SYNE2: variants seen among roughly 807,000 people sequenced by gnomAD.
SYNE2 encodes the protein spectrin repeat containing nuclear envelope protein 2, also known as nesprin-2.
A neutral mutation model predicts 856.3 loss-of-function variants in SYNE2; 431 were observed. That is an observed-to-expected ratio of 0.50 (90% CI 0.47 to 0.55). The LOEUF (loss-of-function observed/expected upper bound fraction) is 0.55. Ranked by LOEUF, SYNE2 falls within the 20% of genes least tolerant of loss-of-function variation. SYNE2 has a pLI of 0.00. For missense variants in SYNE2, 8,129 were observed against 8,023.2 expected, an observed-to-expected ratio of 1.01 and a Z score of -0.50; for synonymous variants, 2,923 against 2,872.3, an observed-to-expected ratio of 1.02 and a Z score of -0.56.
At chr14:63,980,448 C>G (rs1022743064) in intron 14 of SYNE2, among the ~76,000 whole-genome samples, 8 of 152,132 alleles carry the variant, frequency 5.3e-5, no homozygotes, top group African/African-American at 1.9e-4. Flanking sequence ...TATCAGATGT[C>G]AGACCTATTT....
chr14:63,887,237 C>T (rs904594623), intron 1 of SYNE2, among the ~76,000 whole-genome samples: 11 of 151,740 alleles, frequency 7.2e-5, no homozygotes, highest in African/African-American at 2.4e-4. Flanking sequence ...GCCGAGATCG[C>T]ACCACTGCAT....
At chr14:64,150,459 G>A (rs1450655447) in intron 84 of SYNE2, among the ~76,000 whole-genome samples, 2 of 152,164 alleles carry the variant, frequency 1.3e-5, no homozygotes, top group African/African-American at 2.4e-5. Flanking sequence ...GGGCTCAAGT[G>A]ATCCACCTGC....
chr14:63,970,277 C>T (rs143279877), intron 11 of SYNE2, among the ~76,000 whole-genome samples: 1 of 152,332 alleles, frequency 6.6e-6, no homozygotes, highest in Admixed American at 6.5e-5. Context: ...CAGCCTCAGC[C>T]TCCTAGGCTC....
At chr14:64,032,035 G>A (rs981228404) in intron 45 of SYNE2, among the ~76,000 whole-genome samples, 2 of 152,170 alleles carry the variant, frequency 1.3e-5, no homozygotes, top group Admixed American at 6.5e-5. Context: ...GTCAGGGTCC[G>A]GTGGGACAGT....
At chr14:63,872,768 A>AAAAC (rs1233982546) in intron 1 of SYNE2, among the ~76,000 whole-genome samples, 2 of 151,556 alleles carry the variant, frequency 1.3e-5, no homozygotes, top group African/African-American at 4.8e-5. Context: ...CCTCAAAAAA[A>AAAAC]AAAAAAAAAA....
chr14:63,983,653 T>C, intron 17 of SYNE2, 84 bp from the exon 18 acceptor site: 1 of 1,134,970 alleles, frequency 8.8e-7, no homozygotes, highest in South Asian at 1.4e-5. Context: ...TATTTGAATA[T>C]ATTACATCCA....
chr14:64,108,124 GGATCACCT>G (rs2097782975), intron 65 of SYNE2, among the ~76,000 whole-genome samples: 1 of 152,122 alleles, frequency 6.6e-6, no homozygotes. Context: ...CAATGCAGGT[GGATCACCT>G]GATGTCAGGA....
intron 66 of SYNE2, 98 bp downstream of exon 66, chr14:64,113,669 T>C: frequency 7.8e-7 from 1 of 1,283,684 alleles, no homozygotes; most frequent in Non-Finnish European, 1.1e-6. Flanking sequence ...TTTCTTTCTG[T>C]TACTCTGACC....
chr14:63,882,813 G>T (rs2094895825), intron 1 of SYNE2, among the ~76,000 whole-genome samples: 1 of 152,144 alleles, frequency 6.6e-6, no homozygotes, highest in African/African-American at 2.4e-5. Flanking sequence ...TGAGACTTTG[G>T]ACTCAGGATG....
intron 58 of SYNE2, among the ~76,000 whole-genome samples, chr14:64,088,140 G>A (rs557370226): frequency 1.4e-4 from 21 of 152,046 alleles, no homozygotes; most frequent in African/African-American, 4.1e-4. Context: ...CCAAGATTGC[G>A]CCACTGCACT....
At chr14:63,830,829 G>A (rs1480523715) in intron 1 of SYNE2, among the ~76,000 whole-genome samples, 1 of 144,564 alleles carries the variant, frequency 6.9e-6, no homozygotes, top group African/African-American at 2.5e-5. Context: ...TTTCAATACA[G>A]TGATCCCATT....
chr14:63,990,843 A>C, intron 20 of SYNE2, 99 bp from the exon 21 acceptor site: 1 of 978,116 alleles, frequency 1.0e-6, no homozygotes, highest in Non-Finnish European at 1.6e-6. Context: ...AGATATCTAA[A>C]TATCTTTGTC....
intron 99 of SYNE2, 132 bp from the exon 100 acceptor site, chr14:64,202,669 C>A: frequency 8.2e-7 from 1 of 1,218,922 alleles, no homozygotes; most frequent in Non-Finnish European, 1.2e-6. Context: ...GATATAAAAT[C>A]AAAGCAAAAT....
Position 64,062,792 on chromosome 14 carries a change from A to G in SYNE2, c.10109A>G (p.Asp3370Gly). 6.2e-7 allele frequency: 1 copy of G among 1,613,614 alleles called. No individual in the cohort carries two copies. Among genetic ancestry groups the G allele is most frequent in the Non-Finnish European group, 8.5e-7 (1 of 1,179,532 alleles). Residue 3370 changes from aspartate to glycine, a missense_variant, in exon 50 of 116, where the codon GAT (aspartate) becomes GGT (glycine). Asp to Gly is a moderately conservative substitution (Grantham distance 94). Transcript: ENST00000555002. ...AAATGCTATAGAAAAATGGAAGAGG[A>G]TATTTACACTAACCTCAGCAAAATG... ...NYKCYRKMEE[D>G]IYTNLSKMET...
chr14:63,847,344 C>G (rs1200647660), intron 1 of SYNE2, among the ~76,000 whole-genome samples: 1 of 151,706 alleles, frequency 6.6e-6, no homozygotes. Flanking sequence ...GTAGTCCCAG[C>G]TACTCAGGAG....
At chr14:64,133,803 T>C (rs1353569987) in intron 77 of SYNE2, among the ~76,000 whole-genome samples, 2 of 152,224 alleles carry the variant, frequency 1.3e-5, no homozygotes, top group African/African-American at 4.8e-5. Flanking sequence ...CCTTTAGTCA[T>C]GTTACCCAGT....
At chr14:63,776,483 G>T (rs1249458152) in intron 1 of SYNE2, among the ~76,000 whole-genome samples, 1 of 152,098 alleles carries the variant, frequency 6.6e-6, no homozygotes, top group African/African-American at 2.4e-5. Context: ...ATCCTTGGAT[G>T]AATTCAAATA....
chr14:64,177,775 G>A (rs879836316), intron 96 of SYNE2, among the ~76,000 whole-genome samples: 3 of 152,292 alleles, frequency 2.0e-5, no homozygotes, highest in South Asian at 2.1e-4. Flanking sequence ...AATATAAGAT[G>A]TGGCCTCTGA....
intron 107 of SYNE2, chr14:64,215,959 C>T: frequency 3.0e-6 from 4 of 1,355,826 alleles, no homozygotes; most frequent in East Asian, 6.3e-5. Context: ...CAGACCCGGC[C>T]TTGCCACTCA....
Sources: allele counts gnomAD v4.1 joint callset (sites outside exome capture counted in the v4.1 genomes callset), GRCh38; gene constraint gnomAD v4.1.1; transcripts MANE v1.5; gene names NCBI Gene and HGNC (gene_info 2026-07-23, HGNC 2026-07-21).